ZNF536: variants seen among roughly 807,000 people sequenced by gnomAD.
ZNF536 encodes zinc finger protein 536.
Under a neutral mutation model 84.5 loss-of-function variants are expected in ZNF536, and 13 were observed. The ratio of observed to expected loss-of-function variants is 0.15; its 90% CI spans 0.10 to 0.24. ZNF536 has a LOEUF of 0.24. ZNF536 is among the 10% of genes least tolerant of loss of function. The pLI is 1.00. For missense variants in ZNF536, 1,536 were observed against 1,747.5 expected (o/e 0.88, Z 2.16); for synonymous variants, 811 against 742.5 (o/e 1.09, Z -1.50).
intron 3 of ZNF536, among the ~76,000 whole-genome samples, chr19:30,360,417 A>G (rs1172507299): frequency 2.0e-5 from 3 of 152,244 alleles, no homozygotes; most frequent in Middle Eastern, 3.2e-3. Context: ...ACGCCTGCAT[A>G]AGTAATTTCT....
intron 2 of ZNF536, among the ~76,000 whole-genome samples, chr19:30,287,709 A>ATGGATGG (rs2045695471): frequency 1.0e-4 from 2 of 19,222 alleles, no homozygotes; most frequent in African/African-American, 4.5e-4. Context: ...TGGATGGATG[A>ATGGATGG]GTGGATGGAT....
intron 2 of ZNF536, among the ~76,000 whole-genome samples, chr19:30,464,089 A>C (rs2053276066): frequency 6.6e-6 from 1 of 152,198 alleles, no homozygotes; most frequent in Non-Finnish European, 1.5e-5. Context: ...CCAGGGGTAC[A>C]ACCTTCAACT....
At chr19:30,662,261 C>T (rs929820049) in intron 1 of ZNF536, among the ~76,000 whole-genome samples, 1 of 152,204 alleles carries the variant, frequency 6.6e-6, no homozygotes, top group Admixed American at 6.5e-5. Flanking sequence ...TAAACAGACT[C>T]GGTTTGACCT....
rs1320414033 is a variant in ZNF536 at position 30,494,561 on chromosome 19, A to G, written c.2171-40286A>G. On this transcript the variant is annotated intron_variant, in intron 2 of 4. Coordinates refer to ENST00000355537, the MANE Select transcript of ZNF536 (RefSeq NM_014717.3). ...CAGTTTCTAGTACTGGGTCAGCTCT[A>G]TGGGTGCCCCATCCTGTCATCCCTC... Among the ~76,000 whole-genome samples the G allele has an allele frequency of 3.9e-5, 6 of 152,092 alleles. No individual in the cohort carries two copies. The South Asian group carries it at 1.0e-3, about 26-fold the overall frequency.
intron 2 of ZNF536, among the ~76,000 whole-genome samples, chr19:30,306,979 G>GA (rs1403484845): frequency 6.6e-6 from 1 of 152,116 alleles, no homozygotes; most frequent in South Asian, 2.1e-4. Flanking sequence ...GGAACCGACA[G>GA]AAAAAATTAT....
intron 1 of ZNF536, among the ~76,000 whole-genome samples, chr19:30,374,810 C>A (rs2048746036): frequency 6.6e-6 from 1 of 151,810 alleles, no homozygotes; most frequent in Non-Finnish European, 1.5e-5. Flanking sequence ...CAGCCGGCGC[C>A]CGGGCGGATT....
chr19:30,245,982 T>C (rs966454116), intron 1 of ZNF536, among the ~76,000 whole-genome samples: 3 of 152,200 alleles, frequency 2.0e-5, no homozygotes, highest in African/African-American at 7.2e-5. Context: ...AAGTTGTTAG[T>C]CGCTCTGTGT....
intron 3 of ZNF536, among the ~76,000 whole-genome samples, chr19:30,538,416 G>C (rs2045182652): frequency 6.6e-6 from 1 of 152,188 alleles, no homozygotes; most frequent in African/African-American, 2.4e-5. Flanking sequence ...TCTCGATCAT[G>C]TAACATCAAT....
chr19:30,412,226 C>CT (rs34487388), intron 1 of ZNF536, among the ~76,000 whole-genome samples: 1,696 of 151,236 alleles, frequency 0.011, 23 homozygotes, highest in African/African-American at 0.039. Flanking sequence ...CTCATAACTT[C>CT]TTTTTTTTTC....
intron 1 of ZNF536, among the ~76,000 whole-genome samples, chr19:30,683,022 C>G (rs933871950): frequency 3.4e-4 from 52 of 152,324 alleles, no homozygotes; most frequent in African/African-American, 1.3e-3. Flanking sequence ...CTGAAATGTG[C>G]CAACAATTCT....
At chr19:30,611,667 G>C (rs762346242) in intron 1 of ZNF536, among the ~76,000 whole-genome samples, 1 of 152,134 alleles carries the variant, frequency 6.6e-6, no homozygotes, top group African/African-American at 2.4e-5. Context: ...GACATGGCGC[G>C]TACTATTTCT....
intron 3 of ZNF536, among the ~76,000 whole-genome samples, chr19:30,535,992 C>T (rs563797835): frequency 3.9e-5 from 6 of 152,240 alleles, no homozygotes; most frequent in Middle Eastern, 3.4e-3. Flanking sequence ...ATCTCCCTGA[C>T]ACCGAGGGAA....
intron 1 of ZNF536, among the ~76,000 whole-genome samples, chr19:30,661,863 G>T (rs2050133543): frequency 6.8e-6 from 1 of 146,862 alleles, no homozygotes; most frequent in Admixed American, 6.8e-5. Context: ...GATAGTTATG[G>T]CTGGAAAAAA....
At chr19:30,646,341 G>T (rs1436897051) in intron 1 of ZNF536, among the ~76,000 whole-genome samples, 1 of 152,210 alleles carries the variant, frequency 6.6e-6, no homozygotes, top group Non-Finnish European at 1.5e-5. Flanking sequence ...TCTGGGGAAA[G>T]AAGCTTGAGC....
chr19:30,274,717 A>G (rs1298695116), intron 1 of ZNF536, among the ~76,000 whole-genome samples: 3 of 152,242 alleles, frequency 2.0e-5, no homozygotes, highest in African/African-American at 7.2e-5. Flanking sequence ...CCAGGTAATC[A>G]GCATGACACC....
intron 1 of ZNF536, among the ~76,000 whole-genome samples, chr19:30,257,978 G>A (rs2145202703): frequency 6.6e-6 from 1 of 152,284 alleles, no homozygotes; most frequent in South Asian, 2.1e-4. Flanking sequence ...TTTGGACTCT[G>A]CAGAACTAGG....
At chr19:30,354,768 A>G (rs1005253718) in intron 3 of ZNF536, among the ~76,000 whole-genome samples, 1 of 152,200 alleles carries the variant, frequency 6.6e-6, no homozygotes, top group Non-Finnish European at 1.5e-5. Flanking sequence ...GGTATTAGAA[A>G]CAGGCAGAGA....
intron 1 of ZNF536, among the ~76,000 whole-genome samples, chr19:30,661,111 CA>C (rs1379311821): frequency 6.6e-6 from 1 of 152,112 alleles, no homozygotes; most frequent in African/African-American, 2.4e-5. Flanking sequence ...GCAATGCTCT[CA>C]AATTCAAAAA....
intron 2 of ZNF536, among the ~76,000 whole-genome samples, chr19:30,302,160 G>A (rs2046207235): frequency 6.6e-6 from 1 of 152,210 alleles, no homozygotes. Context: ...TAGGATGCAT[G>A]GAGCACTGGT....
Sources: allele counts gnomAD v4.1 joint callset (sites outside exome capture counted in the v4.1 genomes callset), GRCh38; gene constraint gnomAD v4.1.1; transcripts MANE v1.5; gene names NCBI Gene and HGNC (gene_info 2026-07-23, HGNC 2026-07-21).